Variants in CALN1 observed in about 807,000 individuals in gnomAD.
The protein encoded by CALN1 is calcium-binding protein 8.
Under a neutral mutation model 30.6 loss-of-function variants are expected in CALN1, and 17 were observed. The observed-to-expected ratio is 0.56, with a 90% confidence interval of 0.38 to 0.83. The LOEUF is 0.83. CALN1 is among the 40% of genes least tolerant of loss of function. The pLI is 0.00. For synonymous variants in CALN1, 156 were observed against 131.4 expected (o/e 1.19, Z -1.28); for missense variants, 291 against 354.9 (o/e 0.82, Z 1.45).
At chr7:72,204,281 C>A (rs2129547633) in intron 3 of CALN1, among the ~76,000 whole-genome samples, 1 of 151,944 alleles carries the variant, frequency 6.6e-6, no homozygotes, top group Admixed American at 6.6e-5. Context: ...AGGTGTGAGC[C>A]ACCGCACCCA....
intron 5 of CALN1, among the ~76,000 whole-genome samples, chr7:71,847,631 A>G (rs1431512297): frequency 2.6e-5 from 4 of 151,526 alleles, no homozygotes; most frequent in African/African-American, 9.7e-5. Flanking sequence ...GCAGTGAGCC[A>G]AGATTGCACC....
At chr7:71,975,872 A>C (rs894169853) in intron 5 of CALN1, among the ~76,000 whole-genome samples, 7 of 151,090 alleles carry the variant, frequency 4.6e-5, no homozygotes, top group Admixed American at 4.6e-4. Context: ...GTTTCAGTAC[A>C]AAACACATTA....
chr7:72,409,829 C>A lies in CALN1; in HGVS notation c.-74+2229G>T, dbSNP rs368833636. Among the ~76,000 whole-genome samples, 26 of 152,220 alleles carry A rather than the reference C, an allele frequency of 1.7e-4. No individual in the cohort carries two copies. In the East Asian group the frequency reaches 4.9e-3, roughly 28 times the overall value. The stretch of plus-strand genomic sequence containing the variant: ...CCAAGGAACGTTCCCTCCCTTTTAA[C>A]CACGTTGGGCATCAAGTTACAGTCT... On this transcript the variant is annotated intron_variant, in intron 1 of 6. Transcript: ENST00000395275.
In CALN1 at chr7:71,994,511, C is replaced by CAAA. The variant is rs367725464; in HGVS notation, c.501+29143_501+29145dup. Among the ~76,000 whole-genome samples the CAAA allele has an allele frequency of 1.6e-3, 69 of 43,708 alleles. 1 individual carries two copies. Among genetic ancestry groups the CAAA allele is most frequent in the Non-Finnish European group, 2.0e-3 (42 of 20,752 alleles). The allele number at this position is 43,708 out of a possible 152,430, so 28.7% of individuals were successfully genotyped here. A position where few individuals can be genotyped will look rare whatever the true frequency, so the allele number is the denominator to read the frequency against. ...TGGGCGACAGAGCAAGACTTCATCTCAAAAAAAAAAAAAAAAAAAAAACAG... is the reference window on the plus strand; with the variant it reads ...TGGGCGACAGAGCAAGACTTCATCTCAAAAAAAAAAAAAAAAAAAAAAAAACAG... On this transcript the variant is annotated intron_variant, in intron 5 of 6. Coordinates refer to ENST00000395275, the MANE Select transcript of CALN1 (RefSeq NM_031468.4).
At chr7:72,299,110 A>G (rs1183757467) in intron 2 of CALN1, among the ~76,000 whole-genome samples, 1 of 152,134 alleles carries the variant, frequency 6.6e-6, no homozygotes, top group East Asian at 1.9e-4. Flanking sequence ...TCCTTTTCCT[A>G]AACACTTCAC....
At position 71,785,166 on chromosome 7, in the gene CALN1, T is replaced by G; in HGVS notation, c.*2609A>C. 3.3e-6 allele frequency: 1 copy of G among 305,950 alleles called. No individual in the cohort carries two copies. The highest frequency in any genetic ancestry group is 6.0e-6 in the Non-Finnish European group (1 of 167,724). The allele number at this position is 305,950 out of a possible 1,614,324, so 19.0% of individuals were successfully genotyped here. A position where few individuals can be genotyped will look rare whatever the true frequency, so the allele number is the denominator to read the frequency against. On this transcript the variant is annotated 3_prime_UTR_variant, in exon 7 of 7. Transcript: ENST00000395275. ...AGGCTGTCAGAAAGAATTCTGTGTC[T>G]TCCTTCTTGCCATCTCTCTCTAGCA...
Position 72,386,271 on chromosome 7 carries a change from C to T in CALN1, c.119+16980G>A, listed in dbSNP as rs919509106. Among the ~76,000 whole-genome samples the T allele has an allele frequency of 9.2e-5, 14 of 152,058 alleles. 1 individual carries two copies. The highest frequency in any genetic ancestry group is 9.2e-4 in the Admixed American group (14 of 15,270). On this transcript the variant is annotated intron_variant, in intron 2 of 6. Transcript: ENST00000395275. ...AAATGATCTAGGAGGTCCATGGAAT[C>T]CCAGGATGGAATACAGAATGTGACA...
intron 5 of CALN1, among the ~76,000 whole-genome samples, chr7:71,846,970 A>G (rs1292774715): frequency 6.8e-6 from 1 of 148,112 alleles, no homozygotes; most frequent in Non-Finnish European, 1.5e-5. Context: ...ATATACACAC[A>G]TATATACACA....
intron 5 of CALN1, among the ~76,000 whole-genome samples, chr7:72,013,663 C>G (rs866064534): frequency 6.6e-6 from 1 of 152,088 alleles, no homozygotes; most frequent in Middle Eastern, 3.4e-3. Context: ...AAAATAAGTA[C>G]AATCAGAATT....
intron 3 of CALN1, among the ~76,000 whole-genome samples, chr7:72,221,381 G>A (rs1381491435): frequency 7.0e-6 from 1 of 142,404 alleles, no homozygotes; most frequent in African/African-American, 2.6e-5. Flanking sequence ...GCAGTGGCGT[G>A]ATTTTGGCTC....
intron 2 of CALN1, among the ~76,000 whole-genome samples, chr7:72,327,069 A>ATTCTCCTGCCTCAGCCTCCC (rs1801328458): frequency 6.6e-6 from 1 of 152,254 alleles, no homozygotes; most frequent in South Asian, 2.1e-4. Flanking sequence ...AGTCATATTG[A>ATTCTCCTGCCTCAGCCTCCC]GACTGAGTTT....
At chr7:72,184,364 A>G (rs977719598) in intron 3 of CALN1, among the ~76,000 whole-genome samples, 3 of 152,240 alleles carry the variant, frequency 2.0e-5, no homozygotes, top group Non-Finnish European at 2.9e-5. Flanking sequence ...AAATGCAGGC[A>G]GTAATACTAC....
At chr7:72,482,510 G>A in the CALN1 span, among the ~76,000 whole-genome samples, 1 of 151,668 alleles carries the variant, frequency 6.6e-6, no homozygotes, top group East Asian at 1.9e-4. Context: ...CCCCTTTGTT[G>A]GCTTTGTTTT....
intron 3 of CALN1, among the ~76,000 whole-genome samples, chr7:72,181,072 T>TGGGC (rs1789750418): frequency 7.6e-6 from 1 of 131,684 alleles, no homozygotes; most frequent in Non-Finnish European, 1.5e-5. Flanking sequence ...CACTCCAGCC[T>TGGGC]GGGCAACAGA....
chr7:72,214,711 G>A (rs368231115), intron 3 of CALN1, among the ~76,000 whole-genome samples: 7 of 152,016 alleles, frequency 4.6e-5, no homozygotes, highest in African/African-American at 1.7e-4. Context: ...CAGGAGGTGA[G>A]TGAGGGGTGC....
intron 3 of CALN1, among the ~76,000 whole-genome samples, chr7:72,171,314 G>A (rs1309511212): frequency 6.6e-6 from 1 of 152,126 alleles, no homozygotes; most frequent in Non-Finnish European, 1.5e-5. Flanking sequence ...AATAATCAAA[G>A]TCTTTTAAAA....
chr7:71,857,016 ATGTGTGTGTGTGTG>A lies in CALN1; in HGVS notation c.502-46538_502-46525del, dbSNP rs200594767. 3.2e-3 allele frequency among the ~76,000 whole-genome samples: 460 copies of A among 142,318 alleles called. 2 individuals carry two copies. Among genetic ancestry groups the A allele is most frequent in the African/African-American group, 0.011 (438 of 38,270 alleles). The allele number at this position is 142,318 out of a possible 152,430, so 93.4% of individuals were successfully genotyped here. A position where few individuals can be genotyped will look rare whatever the true frequency, so the allele number is the denominator to read the frequency against. On this transcript the variant is annotated intron_variant, in intron 5 of 6. Coordinates refer to ENST00000395275, the MANE Select transcript of CALN1 (RefSeq NM_031468.4). ...AGACAACCTCATGGTGTGTATATGTATGTGTGTGTGTGTGTGTGTGTGTGTGTGTGTGTGTGTGT... is the reference window on the plus strand; with the variant it reads ...AGACAACCTCATGGTGTGTATATGTATGTGTGTGTGTGTGTGTGTGTGTGT...
intron 3 of CALN1, among the ~76,000 whole-genome samples, chr7:72,237,122 T>C (rs1029271621): frequency 5.9e-5 from 9 of 152,172 alleles, no homozygotes; most frequent in African/African-American, 2.2e-4. Flanking sequence ...GTAGCTGAGA[T>C]TACAGGCATG....
At chr7:72,122,242 C>T (rs1352612432) in intron 3 of CALN1, among the ~76,000 whole-genome samples, 16 of 152,222 alleles carry the variant, frequency 1.1e-4, no homozygotes, top group South Asian at 4.1e-4. Flanking sequence ...AAGCTGCAAA[C>T]GTTAATATAC....
Sources: gnomAD v4.1 joint callset for allele counts (sites outside exome capture counted in the v4.1 genomes callset) on GRCh38, gnomAD v4.1.1 for gene constraint, MANE v1.5 for transcripts, NCBI Gene and HGNC (gene_info 2026-07-23, HGNC 2026-07-21) for gene names.